IL24: variants seen among roughly 807,000 people sequenced by gnomAD.
IL24 encodes the protein interleukin-24.
A neutral mutation model predicts 27.6 loss-of-function variants in IL24; 24 were observed. That is an observed-to-expected ratio of 0.87 (90% CI 0.63 to 1.22). IL24 has a LOEUF of 1.22. Ranked by LOEUF, IL24 falls within the 50% of genes most tolerant of loss-of-function variation. IL24 has a pLI of 0.00. For synonymous variants in IL24, 99 were observed against 93.1 expected (o/e 1.06, Z -0.36); for missense variants, 240 against 237.0 (o/e 1.01, Z -0.08).
In IL24 at chr1:206,901,343, A is replaced by C. The variant is rs1678368547; in HGVS notation, c.304-151A>C. 3 of 806,762 alleles carry C rather than the reference A, an allele frequency of 3.7e-6. No homozygotes were observed. The South Asian group carries it at 7.8e-5, about 21-fold the overall frequency. The allele number at this position is 806,762 out of a possible 1,614,324, so 50.0% of individuals were successfully genotyped here. The stretch of plus-strand genomic sequence containing the variant: ...AAGACCTGCTCTCCATGGCCCCTGA[A>C]GGCTCCTACAGATCTAAGGTTCATC... On this transcript the variant is annotated intron_variant, in intron 4 of 6. Transcript: ENST00000294984.
Position 206,897,584 on chromosome 1 carries a change from C to T in IL24, c.-134C>T. 3.1e-6 allele frequency: 1 copy of T among 321,392 alleles called. No individual in the cohort carries two copies. The highest frequency in any genetic ancestry group is 5.7e-6 in the Non-Finnish European group (1 of 176,400). 19.9% of individuals were successfully genotyped at this position (321,392 alleles called of 1,614,324 possible). A position where few individuals can be genotyped will look rare whatever the true frequency, so the allele number is the denominator to read the frequency against. On this transcript the variant is annotated 5_prime_UTR_variant, in exon 1 of 7. Transcript: ENST00000294984. ...AAAAGAACCAGCTGCCTCCAGGCAG[C>T]CAGCCCTCAAGCATCACTTACAGGA...
chr1:206,898,245 C>A (rs1024191751), intron 2 of IL24, among the ~76,000 whole-genome samples: 9 of 151,550 alleles, frequency 5.9e-5, no homozygotes. Context: ...TAAAGCATAG[C>A]CCCCGTCCCC....
rs947845204 is a variant in IL24, at chr1:206,902,988, G to A, written c.550G>A (p.Ala184Thr). Residue 184 changes from alanine to threonine, a missense_variant, in exon 7 of 7, where the codon GCA (alanine) becomes ACA (threonine). Transcript: ENST00000294984. ...RRAFKQLDVE[A>T]ALTKALGEVD... ...CTTTTCCCTTTAGTTGGACGTAGAA[G>A]CAGCTCTGACCAAAGCCCTTGGGGA... 1 of 1,614,208 alleles carries A rather than the reference G, an allele frequency of 6.2e-7. No individual in the cohort carries two copies. The highest frequency in any genetic ancestry group is 1.7e-5 in the Admixed American group (1 of 60,024).
chr1:206,902,216 G>A, intron 6 of IL24, 144 bp downstream of exon 6: 1 of 1,403,936 alleles, frequency 7.1e-7, no homozygotes, highest in Non-Finnish European at 9.2e-7. Context: ...CTTAGCAGGA[G>A]CACAGTTATA....
intron 4 of IL24, 66 bp downstream of exon 4, chr1:206,900,423 T>C (rs1678335118): frequency 2.8e-6 from 4 of 1,406,630 alleles, no homozygotes; most frequent in Non-Finnish European, 4.0e-6. Context: ...GTGCAAGGCT[T>C]TCTTAGGGGA....
rs1678452376 is a variant in IL24, at chr1:206,902,912, A to G, written c.538-64A>G. On this transcript the variant is annotated intron_variant, in intron 6 of 6. Coordinates refer to ENST00000294984, the MANE Select transcript of IL24 (RefSeq NM_006850.3). ...GAGTCAGGTCTATTTTAGGCATGGC[A>G]GGTTGGAAGAAAGACTATTCTCATA... 7 of 1,612,714 alleles carry G rather than the reference A, an allele frequency of 4.3e-6. No individual in the cohort carries two copies. In the South Asian group the frequency reaches 6.6e-5, roughly 15 times the overall value.
At chr1:206,899,183 C>T (rs755001258) in intron 2 of IL24, 137 bp from the exon 3 acceptor site, 88 of 851,066 alleles carry the variant, frequency 1.0e-4, no homozygotes, top group Admixed American at 3.5e-4. Flanking sequence ...GCAAGGCTGC[C>T]GGTTTGCAAT....
chr1:206,902,727 G>C (rs1678443696), intron 6 of IL24: 1 of 985,288 alleles, frequency 1.0e-6, no homozygotes, highest in African/African-American at 1.7e-5. Flanking sequence ...GCTGTTGTTA[G>C]GGGTGCCATA....
chr1:206,899,253 T>G, intron 2 of IL24, 67 bp from the exon 3 acceptor site: 1 of 1,527,320 alleles, frequency 6.5e-7, no homozygotes, highest in Non-Finnish European at 8.9e-7. Context: ...CTCGGAGCAT[T>G]TTCCCAGGGC....
intron 4 of IL24, among the ~76,000 whole-genome samples, chr1:206,900,618 TC>T (rs1246069389): frequency 6.6e-6 from 1 of 152,146 alleles, no homozygotes; most frequent in East Asian, 1.9e-4. Flanking sequence ...ATTATATATT[TC>T]TCTTTTACTT....
Position 206,897,568 on chromosome 1 carries a change from A to T in IL24, c.-150A>T. 1 of 298,760 alleles carries T rather than the reference A, an allele frequency of 3.3e-6. No individual in the cohort carries two copies. The highest frequency in any genetic ancestry group is 8.3e-5 in the South Asian group (1 of 11,988). 18.5% of individuals were successfully genotyped at this position (298,760 alleles called of 1,614,324 possible). A position where few individuals can be genotyped will look rare whatever the true frequency, so the allele number is the denominator to read the frequency against. On this transcript the variant is annotated 5_prime_UTR_variant, in exon 1 of 7. Coordinates refer to ENST00000294984, the MANE Select transcript of IL24 (RefSeq NM_006850.3). ...GTCTAACTTTTCTGTAAAAAGAACC[A>T]GCTGCCTCCAGGCAGCCAGCCCTCA... is the stretch of plus-strand genomic sequence containing the variant.
Position 206,902,059 on chromosome 1 carries a change from G to A in IL24, c.524G>A (p.Arg175Lys). 1 of 1,614,034 alleles carries A rather than the reference G, an allele frequency of 6.2e-7. No individual in the cohort carries two copies. The highest frequency in any genetic ancestry group is 1.1e-5 in the South Asian group (1 of 91,074). ...SAHRRFLLFR[R>K]AFKQLDVEAA... ...CACAGGCGGTTTCTGCTATTCCGGA[G>A]AGCATTCAAACAGGTAAGGCCAAGA... is the stretch of plus-strand genomic sequence containing the variant. The change falls in exon 6 of 7, where the codon AGA (arginine) becomes AAA (lysine). Residue 175 changes from arginine to lysine, a missense_variant. Arg to Lys is a conservative substitution (Grantham distance 26, BLOSUM62 2). Coordinates refer to ENST00000294984, the MANE Select transcript of IL24 (RefSeq NM_006850.3).
intron 5 of IL24, among the ~76,000 whole-genome samples, 159 bp downstream of exon 5, chr1:206,901,811 G>A (rs1406545336): frequency 8.5e-5 from 13 of 152,150 alleles, no homozygotes; most frequent in Admixed American, 2.0e-4. Context: ...GGATTGCTGC[G>A]AGAATTAAAG....
Position 206,897,867 on chromosome 1 carries a change from C to A in IL24, c.35C>A (p.Thr12Asn). 6.2e-7 allele frequency: 1 copy of A among 1,604,380 alleles called. No homozygotes were observed. Among genetic ancestry groups the A allele is most frequent in the Non-Finnish European group, 8.5e-7 (1 of 1,176,022 alleles). The change falls in exon 2 of 7, where the codon ACT (threonine) becomes AAT (asparagine). Residue 12 changes from threonine to asparagine, a missense_variant. Coordinates refer to ENST00000294984, the MANE Select transcript of IL24 (RefSeq NM_006850.3). Reference protein sequence around the residue: ...NFQQRLQSLWTLARPFCPPLL... With the variant: ...NFQQRLQSLWNLARPFCPPLL... ...CAACAGAGGCTGCAAAGCCTGTGGA[C>A]TTTAGCCAGGTGCGGTGGCTCACAC...
chr1:206,900,959 A>G (rs1188382924), intron 4 of IL24, among the ~76,000 whole-genome samples: 3 of 152,058 alleles, frequency 2.0e-5, no homozygotes, highest in South Asian at 2.1e-4. Context: ...CCATCTTCTC[A>G]TCATCCATCT....
At chr1:206,901,110 C>G (rs1204472828) in intron 4 of IL24, among the ~76,000 whole-genome samples, 1 of 152,186 alleles carries the variant, frequency 6.6e-6, no homozygotes, top group South Asian at 2.1e-4. Flanking sequence ...CCAGCAAACT[C>G]TATATCACCA....
chr1:206,897,788 T>C lies in IL24; in HGVS notation c.-45T>C, dbSNP rs751917950. ...TCGCCAATTTAACACCAAGAAGAAT[T>C]GAGGCTGCTTGGGAGGAAGGCCAGG... is the stretch of plus-strand genomic sequence containing the variant. On this transcript the variant is annotated 5_prime_UTR_variant, in exon 2 of 7. It removes the in-frame stop codon of an upstream open reading frame in the 5' UTR. Transcript: ENST00000294984. The C allele has an allele frequency of 6.2e-7, 1 of 1,609,412 alleles. No homozygotes were observed. The highest frequency in any genetic ancestry group is 1.3e-5 in the African/African-American group (1 of 74,736).
chr1:206,899,197 C>G (rs1273597639), intron 2 of IL24, 123 bp from the exon 3 acceptor site: 1 of 997,754 alleles, frequency 1.0e-6, no homozygotes, highest in Admixed American at 2.7e-5. Flanking sequence ...TTGCAATAGT[C>G]TCAACTTGCC....
rs73089097 is a variant in IL24, at chr1:206,899,234, G to A, written c.45-86G>A. 2.2e-4 allele frequency: 300 copies of A among 1,389,100 alleles called. 2 individuals are homozygous for A. The African/African-American group carries it at 3.4e-3, about 16-fold the overall frequency. 86.0% of individuals were successfully genotyped at this position (1,389,100 alleles called of 1,614,324 possible). On this transcript the variant is annotated intron_variant, in intron 2 of 6. Transcript: ENST00000294984. Reference sequence around the variant, plus strand: ...ATTGGAGAGTGCTCGAGATTGGCCCGGGGAGACCCTCGGAGCATTTTCCCA... The same window carrying A: ...ATTGGAGAGTGCTCGAGATTGGCCCAGGGAGACCCTCGGAGCATTTTCCCA...
Sources: gnomAD v4.1 joint callset for allele counts (sites outside exome capture counted in the v4.1 genomes callset) on GRCh38, gnomAD v4.1.1 for gene constraint, MANE v1.5 for transcripts, NCBI Gene and HGNC (gene_info 2026-07-23, HGNC 2026-07-21) for gene names.